Variants in MIPOL1 observed in about 807,000 individuals in gnomAD.
The protein encoded by MIPOL1 is mirror-image polydactyly 1.
Under a neutral mutation model 60.9 loss-of-function variants are expected in MIPOL1, and 57 were observed. That is an observed-to-expected ratio of 0.94 (90% confidence interval 0.76 to 1.17). MIPOL1 has a LOEUF of 1.17. Ranked by LOEUF, MIPOL1 falls within the 50% of genes most tolerant of loss-of-function variation. MIPOL1 has a pLI of 0.00. For synonymous variants in MIPOL1, 179 were observed against 168.8 expected (o/e 1.06, Z -0.47); for missense variants, 551 against 511.6 (o/e 1.08, Z -0.74).
rs149171159 is a variant in MIPOL1, at chr14:37,475,760, C to T, written c.1032-24148C>T. 1.7e-3 allele frequency among the ~76,000 whole-genome samples: 265 copies of T among 152,226 alleles called. 2 individuals are homozygous for T. Among genetic ancestry groups the T allele is most frequent in the Admixed American group, 0.016 (246 of 15,282 alleles). ...GTATTTGTGTGGATCTGTTTCTGGGCTCTCTTCTCTTCCATTGATCGATTT... is the reference window on the plus strand; with the variant it reads ...GTATTTGTGTGGATCTGTTTCTGGGTTCTCTTCTCTTCCATTGATCGATTT... On this transcript the variant is annotated intron_variant, in intron 11 of 12. Transcript: ENST00000684589.
intron 7 of MIPOL1, among the ~76,000 whole-genome samples, chr14:37,293,868 G>C (rs1039562785): frequency 1.2e-4 from 18 of 152,292 alleles, no homozygotes; most frequent in African/African-American, 3.8e-4. Context: ...GCCTCTGTAG[G>C]CTCCACCTCT....
chr14:37,264,945 T>A (rs953761582), intron 3 of MIPOL1, among the ~76,000 whole-genome samples: 1 of 152,170 alleles, frequency 6.6e-6, no homozygotes, highest in African/African-American at 2.4e-5. Context: ...GCACTTTGAC[T>A]TTTTGATTTT....
intron 11 of MIPOL1, among the ~76,000 whole-genome samples, chr14:37,493,358 A>G (rs1309828838): frequency 6.6e-6 from 1 of 152,142 alleles, no homozygotes; most frequent in Non-Finnish European, 1.5e-5. Context: ...ATTCCAAGTT[A>G]CATTAAGCTG....
intron 9 of MIPOL1, among the ~76,000 whole-genome samples, chr14:37,321,310 T>C (rs2088554022): frequency 6.6e-6 from 1 of 152,054 alleles, no homozygotes; most frequent in Non-Finnish European, 1.5e-5. Flanking sequence ...TATGTTGAAA[T>C]ATTTTTTAGT....
At chr14:37,483,976 C>G (rs191854450) in intron 11 of MIPOL1, among the ~76,000 whole-genome samples, 162 of 152,286 alleles carry the variant, frequency 1.1e-3, no homozygotes, top group Non-Finnish European at 1.8e-3. Context: ...TTTCCATGTT[C>G]ATTGCAACAC....
At chr14:37,203,866 T>C (rs1594419734) in intron 1 of MIPOL1, among the ~76,000 whole-genome samples, 1 of 152,154 alleles carries the variant, frequency 6.6e-6, no homozygotes, top group East Asian at 1.9e-4. Context: ...CACTGCAACC[T>C]CCGCCTCCCG....
At chr14:37,518,783 C>G (rs1393223808) in intron 12 of MIPOL1, among the ~76,000 whole-genome samples, 2 of 152,078 alleles carry the variant, frequency 1.3e-5, no homozygotes, top group Non-Finnish European at 2.9e-5. Flanking sequence ...AGGGAAAATA[C>G]AGAGTAATCT....
Position 37,495,332 on chromosome 14 carries a change from C to T in MIPOL1, c.1032-4576C>T, listed in dbSNP as rs1386837792. Among the ~76,000 whole-genome samples, 4 of 139,884 alleles carry T rather than the reference C, an allele frequency of 2.9e-5. No homozygotes were observed. In the East Asian group the frequency reaches 8.7e-4, roughly 31 times the overall value. 91.8% of individuals were successfully genotyped at this position (139,884 alleles called of 152,430 possible). On this transcript the variant is annotated intron_variant, in intron 11 of 12. Coordinates refer to ENST00000684589, the MANE Select transcript of MIPOL1 (RefSeq NM_001388067.1). Reference sequence around the variant, plus strand: ...AGTGTGATGTTCCCCTTCCTGTGTCCATGTGATCTCATTGTTCAATTCCCA... The same window carrying T: ...AGTGTGATGTTCCCCTTCCTGTGTCTATGTGATCTCATTGTTCAATTCCCA...
rs1156342505 is a variant in MIPOL1 at position 37,197,999 on chromosome 14, G to C, written c.-304G>C. ...CTGTGGGTGAGTCTCGAGCCAGGAG[G>C]CTCTGAGCCAGTGGCGATTGGCTGA... is the stretch of plus-strand genomic sequence containing the variant. On this transcript the variant is annotated 5_prime_UTR_variant, in exon 1 of 13. Coordinates refer to ENST00000684589, the MANE Select transcript of MIPOL1 (RefSeq NM_001388067.1). 6.6e-6 allele frequency: 1 copy of C among 152,276 alleles called. No homozygotes were observed. Among genetic ancestry groups the C allele is most frequent in the African/African-American group, 2.4e-5 (1 of 41,458 alleles). 9.4% of individuals were successfully genotyped at this position (152,276 alleles called of 1,614,324 possible).
At chr14:37,381,007 A>G (rs2064669) in intron 10 of MIPOL1, among the ~76,000 whole-genome samples, 85,130 of 151,826 alleles carry the variant, frequency 0.56, 25,569 homozygotes, top group Non-Finnish European at 0.67. Flanking sequence ...TATATCGTCT[A>G]TTCCCTTACT....
intron 10 of MIPOL1, among the ~76,000 whole-genome samples, chr14:37,379,812 A>C (rs2092878598): frequency 6.6e-6 from 1 of 152,110 alleles, no homozygotes; most frequent in South Asian, 2.1e-4. Context: ...TGGGAAGGTT[A>C]GTGTATAATG....
At chr14:37,348,315 G>T (rs1053019764) in intron 9 of MIPOL1, among the ~76,000 whole-genome samples, 1 of 152,112 alleles carries the variant, frequency 6.6e-6, no homozygotes, top group African/African-American at 2.4e-5. Context: ...AAACTAGATG[G>T]TTTGATAAAG....
chr14:37,287,994 AAAG>A (rs1281247561), intron 7 of MIPOL1, among the ~76,000 whole-genome samples: 17 of 152,264 alleles, frequency 1.1e-4, no homozygotes, highest in African/African-American at 3.6e-4. Context: ...ATTGACCTTA[AAAG>A]AAGAAGTTGA....
At position 37,270,521 on chromosome 14, in the gene MIPOL1, A is replaced by G; in HGVS notation, c.489A>G (p.Thr163=). 7 of 1,573,748 alleles carry G rather than the reference A, an allele frequency of 4.4e-6. No individual in the cohort carries two copies. The highest frequency in any genetic ancestry group is 6.1e-6 in the Non-Finnish European group (7 of 1,151,304). ...CAGAAGCTAAAATTGCTGAAAAGAC[A>G]GCAGGTATAGTAGAGGAGTATTAAC... is the stretch of plus-strand genomic sequence containing the variant. ...KETEAKIAEK[T]AALVEEVYFA... is the part of the protein sequence containing the mutation. Residue 163 remains threonine, a synonymous_variant, in exon 6 of 13, where the codon ACA becomes ACG. Coordinates refer to ENST00000684589, the MANE Select transcript of MIPOL1 (RefSeq NM_001388067.1).
intron 10 of MIPOL1, among the ~76,000 whole-genome samples, chr14:37,371,188 C>G (rs1448058305): frequency 6.7e-6 from 1 of 149,156 alleles, no homozygotes; most frequent in African/African-American, 2.5e-5. Context: ...GGTGTGATCT[C>G]GGCTCACTTC....
intron 10 of MIPOL1, among the ~76,000 whole-genome samples, chr14:37,410,755 T>C (rs979219478): frequency 6.6e-6 from 1 of 152,160 alleles, no homozygotes; most frequent in Admixed American, 6.5e-5. Context: ...AGTATTAATA[T>C]TAAATTTTTG....
At chr14:37,278,797 A>G (rs1316654480) in intron 6 of MIPOL1, 2 of 151,830 alleles carry the variant, frequency 1.3e-5, no homozygotes, top group African/African-American at 4.8e-5. Context: ...AGTGTGGAAT[A>G]TGGATTTGCC....
chr14:37,478,901 A>G (rs1409955616), intron 11 of MIPOL1, among the ~76,000 whole-genome samples: 1 of 152,202 alleles, frequency 6.6e-6, no homozygotes, highest in Non-Finnish European at 1.5e-5. Context: ...AACTGTAAAA[A>G]AAAAGACAAA....
chr14:37,493,543 T>A (rs1189587820), intron 11 of MIPOL1, among the ~76,000 whole-genome samples: 1 of 152,186 alleles, frequency 6.6e-6, no homozygotes, highest in Non-Finnish European at 1.5e-5. Flanking sequence ...GCCATTGGAC[T>A]CAATGTGGTG....
Sources: allele counts gnomAD v4.1 joint callset (sites outside exome capture counted in the v4.1 genomes callset), GRCh38; gene constraint gnomAD v4.1.1; transcripts MANE v1.5; gene names NCBI Gene and HGNC (gene_info 2026-07-23, HGNC 2026-07-21).